Variants in ABR observed in about 807,000 individuals in gnomAD.
ABR encodes the protein ABR activator of RhoGEF and GTPase, also known as active breakpoint cluster region-related protein.
A neutral mutation model predicts 107.2 loss-of-function variants in ABR; 35 were observed. The observed-to-expected ratio is 0.33, with a 90% CI of 0.25 to 0.43. ABR has a LOEUF of 0.43. Among genes scored for constraint, ABR ranks in the 20% least tolerant of loss-of-function variants. ABR has a pLI of 1.00. For missense variants in ABR, 815 were observed against 1,115.2 expected (o/e 0.73, Z 3.83); for synonymous variants, 498 against 462.0 (o/e 1.08, Z -1.00).
intron 1 of ABR, among the ~76,000 whole-genome samples, chr17:1,215,311 G>A (rs1404132580): frequency 2.0e-5 from 3 of 151,062 alleles, no homozygotes; most frequent in East Asian, 1.9e-4. Flanking sequence ...CTGTACTGCT[G>A]CCATCTCGGC....
rs75999254 is a variant in ABR at position 1,075,451 on chromosome 17, C to T, written c.701-1774G>A. On this transcript the variant is annotated intron_variant, in intron 6 of 22. Transcript: ENST00000302538. ...AAGCCTGAGATATAAATACCCCGTG[C>T]GCGGCTAAGCAGACACTTCAGGGAG... Among the ~76,000 whole-genome samples, 953 of 152,370 alleles carry T rather than the reference C, an allele frequency of 6.3e-3. 28 individuals are homozygous for T. In the East Asian group the frequency reaches 0.088, roughly 14 times the overall value.
intron 6 of ABR, among the ~76,000 whole-genome samples, 169 bp from the exon 7 acceptor site, chr17:1,073,846 C>T (rs1360678606): frequency 3.9e-5 from 6 of 151,936 alleles, no homozygotes; most frequent in African/African-American, 9.7e-5. Context: ...CTCCCCGGGC[C>T]GACCAAACAG....
At chr17:1,125,032 C>T (rs2039528051) in intron 2 of ABR, 151 bp downstream of exon 2, 1 of 750,722 alleles carries the variant, frequency 1.3e-6, no homozygotes, top group Non-Finnish European at 2.0e-6. Flanking sequence ...GGTCCAGGGC[C>T]AGGACGAGAT....
intron 1 of ABR, among the ~76,000 whole-genome samples, chr17:1,134,850 G>A (rs924906539): frequency 6.6e-5 from 10 of 152,366 alleles, no homozygotes; most frequent in South Asian, 6.2e-4. Context: ...CCTCCGAGGA[G>A]TGCCTGGCAC....
rs116344105 is a variant in ABR, at chr17:1,072,309, T to C, written c.894+305A>G. On this transcript the variant is annotated intron_variant, in intron 8 of 22. Coordinates refer to ENST00000302538, the MANE Select transcript of ABR (RefSeq NM_021962.5). ...GTGACCAAGGGCTGAAAACCTCTCC[T>C]TGGCTGGGAATGGGGGATCAGGATT... Among the ~76,000 whole-genome samples the C allele has an allele frequency of 5.4e-3, 816 of 152,124 alleles. 12 individuals are homozygous for C. Among genetic ancestry groups the C allele is most frequent in the African/African-American group, 0.019 (779 of 41,498 alleles).
chr17:1,153,728 G>A (rs1356016658), intron 1 of ABR: 11 of 175,038 alleles, frequency 6.3e-5, no homozygotes, highest in Admixed American at 1.4e-4. Context: ...CCTACGGGAG[G>A]GCTGGGGGTC....
intron 1 of ABR, among the ~76,000 whole-genome samples, chr17:1,137,782 C>T (rs939573360): frequency 6.6e-6 from 1 of 152,122 alleles, no homozygotes; most frequent in African/African-American, 2.4e-5. Flanking sequence ...CACATGAGTG[C>T]CGTAAAGCAA....
At chr17:1,146,796 G>A (rs1402303579) in intron 1 of ABR, among the ~76,000 whole-genome samples, 4 of 63,786 alleles carry the variant, frequency 6.3e-5, no homozygotes, top group African/African-American at 1.6e-4. Flanking sequence ...CTGCCACCAT[G>A]CCACCACTGC....
chr17:1,166,384 G>A (rs1202942421), intron 1 of ABR, among the ~76,000 whole-genome samples: 1 of 152,106 alleles, frequency 6.6e-6, no homozygotes, highest in Non-Finnish European at 1.5e-5. Flanking sequence ...GGCTGAGAAA[G>A]ACCAACAGCA....
intron 14 of ABR, among the ~76,000 whole-genome samples, chr17:1,055,055 C>T (rs1007003013): frequency 2.0e-4 from 30 of 152,208 alleles, no homozygotes; most frequent in African/African-American, 4.1e-4. Flanking sequence ...CACAGATTCC[C>T]GTGTGGATAA....
At position 1,166,010 on chromosome 17, in the gene ABR, G is replaced by A. The variant is rs573521153; in HGVS notation, c.61+13657C>T. On this transcript the variant is annotated intron_variant, in intron 1 of 22. Transcript: ENST00000302538. Reference sequence around the variant, plus strand: ...AGTGTCCGCACCCACCCTCCCCAGCGCGGTCCCCACCTCCGCTCTCCCAGA... The same window carrying A: ...AGTGTCCGCACCCACCCTCCCCAGCACGGTCCCCACCTCCGCTCTCCCAGA... Among the ~76,000 whole-genome samples, 201 of 111,644 alleles carry A rather than the reference G, an allele frequency of 1.8e-3. 2 individuals carry two copies. The highest frequency in any genetic ancestry group is 5.1e-3 in the Admixed American group (55 of 10,692). 73.2% of individuals were successfully genotyped at this position (111,644 alleles called of 152,430 possible). A position where few individuals can be genotyped will look rare whatever the true frequency, so the allele number is the denominator to read the frequency against.
chr17:1,049,270 C>T (rs889241868), intron 16 of ABR, among the ~76,000 whole-genome samples: 2 of 152,152 alleles, frequency 1.3e-5, no homozygotes, highest in Admixed American at 6.5e-5. Flanking sequence ...TGGGTTCAAG[C>T]GATTCTCCTG....
At chr17:1,104,375 A>G (rs756172477) in intron 2 of ABR, among the ~76,000 whole-genome samples, 3 of 152,186 alleles carry the variant, frequency 2.0e-5, no homozygotes, top group African/African-American at 2.4e-5. Context: ...GCCTCCAAAC[A>G]TCTGGTTCCA....
At chr17:1,216,045 C>G (rs1269524712) in intron 1 of ABR, among the ~76,000 whole-genome samples, 2 of 150,068 alleles carry the variant, frequency 1.3e-5, no homozygotes. Flanking sequence ...TGCGGAAGGC[C>G]GCAGGGTCCT....
intron 5 of ABR, among the ~76,000 whole-genome samples, chr17:1,081,176 G>A (rs1254136071): frequency 6.6e-6 from 1 of 152,214 alleles, no homozygotes; most frequent in African/African-American, 2.4e-5. Context: ...ACAGACCAGG[G>A]GAGTCCAGGT....
chr17:1,073,695 GAGA>G lies in ABR; in HGVS notation c.701-21_701-19del, dbSNP rs764444981. On this transcript the variant is annotated intron_variant, in intron 6 of 22. Coordinates refer to ENST00000302538, the MANE Select transcript of ABR (RefSeq NM_021962.5). Reference sequence around the variant, plus strand: ...GAGCAGAGCTGTCGGGGGAGACAGGGAGAAGGAGGAAGAGGATGATGGACGAGG... The same window carrying G: ...GAGCAGAGCTGTCGGGGGAGACAGGGAGGAGGAAGAGGATGATGGACGAGG... 81 of 1,596,664 alleles carry G rather than the reference GAGA, an allele frequency of 5.1e-5. No homozygotes were observed. Among genetic ancestry groups the G allele is most frequent in the Non-Finnish European group, 6.6e-5 (77 of 1,170,302 alleles).
chr17:1,081,807 C>T (rs866128929), intron 5 of ABR, among the ~76,000 whole-genome samples: 1 of 150,604 alleles, frequency 6.6e-6, no homozygotes, highest in East Asian at 2.0e-4. Flanking sequence ...AAACTCCTGA[C>T]CTCAGGTGAT....
intron 1 of ABR, among the ~76,000 whole-genome samples, chr17:1,127,501 T>C (rs1445295637): frequency 1.3e-5 from 2 of 152,110 alleles, no homozygotes; most frequent in African/African-American, 4.8e-5. Flanking sequence ...TGAGTCTGGG[T>C]CCGTGAAGGG....
At chr17:1,035,051 C>T (rs144173404) in intron 16 of ABR, among the ~76,000 whole-genome samples, 10 of 152,046 alleles carry the variant, frequency 6.6e-5, no homozygotes, top group South Asian at 2.1e-4. Context: ...TCCCCTGAGA[C>T]GCTCATCTTT....
Sources: gnomAD v4.1 joint callset for allele counts (sites outside exome capture counted in the v4.1 genomes callset) on GRCh38, gnomAD v4.1.1 for gene constraint, MANE v1.5 for transcripts, NCBI Gene and HGNC (gene_info 2026-07-23, HGNC 2026-07-21) for gene names.